AP3D1: variants seen among roughly 807,000 people sequenced by gnomAD.
AP3D1 encodes the protein AP-3 complex subunit delta-1.
In AP3D1, 51 loss-of-function variants were observed where a neutral mutation model predicts 147.6. That is an observed-to-expected ratio of 0.35 (90% CI 0.28 to 0.44). The LOEUF (loss-of-function observed/expected upper bound fraction) is 0.44. Ranked by LOEUF, AP3D1 falls within the 20% of genes least tolerant of loss-of-function variation. The probability of loss-of-function intolerance (pLI) is 1.00; values close to 1 mark genes in which losing one functional copy is unlikely to be tolerated. For missense variants in AP3D1, 1,421 were observed against 1,624.2 expected, an observed-to-expected ratio of 0.87 and a Z score of 2.15; for synonymous variants, 760 against 663.0, an observed-to-expected ratio of 1.15 and a Z score of -2.25.
chr19:2,105,104 G>A (rs2018073373), intron 31 of AP3D1, among the ~76,000 whole-genome samples: 1 of 152,202 alleles, frequency 6.6e-6, no homozygotes, highest in African/African-American at 2.4e-5. Context: ...TCCCTGTGTG[G>A]GCTCAATGGC....
intron 12 of AP3D1, 120 bp from the exon 13 acceptor site, chr19:2,121,431 G>C: frequency 7.5e-7 from 1 of 1,325,874 alleles, no homozygotes. Flanking sequence ...CGGATTCACA[G>C]ATCGATGCCA....
At chr19:2,152,853 G>A (rs1432185407), upstream of AP3D1, among the ~76,000 whole-genome samples, 2 of 151,966 alleles carry the variant, frequency 1.3e-5, no homozygotes, top group South Asian at 4.2e-4. Flanking sequence ...TGTACTCTGG[G>A]CAACAGAGCG....
chr19:2,108,385 G>T (rs1599438982), intron 31 of AP3D1, among the ~76,000 whole-genome samples: 1 of 152,336 alleles, frequency 6.6e-6, no homozygotes, highest in African/African-American at 2.4e-5. Context: ...CGACCCCAGG[G>T]CCTTGGCTGC....
At chr19:2,122,449 G>A (rs566521426) in intron 11 of AP3D1, among the ~76,000 whole-genome samples, 4 of 152,330 alleles carry the variant, frequency 2.6e-5, no homozygotes, top group East Asian at 3.9e-4. Flanking sequence ...GACAGACACC[G>A]TGAGGTCCAC....
chr19:2,160,564 G>C (rs1599508836), intron 1 of AP3D1, among the ~76,000 whole-genome samples: 1 of 152,014 alleles, frequency 6.6e-6, no homozygotes, highest in African/African-American at 2.4e-5. Context: ...GGAGATACAG[G>C]TTGCCACACC....
At chr19:2,124,678 T>C (rs528050101) in intron 9 of AP3D1, among the ~76,000 whole-genome samples, 26 of 152,324 alleles carry the variant, frequency 1.7e-4, no homozygotes, top group African/African-American at 5.8e-4. Flanking sequence ...CGGTGGCTCA[T>C]GCCTGTAATC....
chr19:2,161,510 CT>C (rs1244569750), intron 1 of AP3D1, among the ~76,000 whole-genome samples: 1 of 151,146 alleles, frequency 6.6e-6, no homozygotes, highest in South Asian at 2.1e-4. Context: ...GATAAAAGTT[CT>C]TTTTTTTTCC....
chr19:2,107,259 C>CAA (rs112132801), intron 31 of AP3D1, among the ~76,000 whole-genome samples: 19 of 121,148 alleles, frequency 1.6e-4, no homozygotes, highest in Non-Finnish European at 1.7e-4. Flanking sequence ...GACTCCATCT[C>CAA]AAAAAAAAAA....
intron 15 of AP3D1, among the ~76,000 whole-genome samples, chr19:2,117,835 GCCATTGGA>G (rs2018502104): frequency 6.6e-6 from 1 of 152,244 alleles, no homozygotes; most frequent in African/African-American, 2.4e-5. Flanking sequence ...GGTCTCCTCA[GCCATTGGA>G]CAGGCTGACG....
At chr19:2,113,951 A>G (rs1448974540) in intron 22 of AP3D1, among the ~76,000 whole-genome samples, 174 bp downstream of exon 22, 2 of 151,986 alleles carry the variant, frequency 1.3e-5, no homozygotes, top group African/African-American at 4.8e-5. Context: ...GTGCACAGTC[A>G]GCTCCCCTCA....
At chr19:2,108,571 C>T (rs1178260349) in intron 31 of AP3D1, 116 bp downstream of exon 31, 4 of 904,826 alleles carry the variant, frequency 4.4e-6, no homozygotes, top group South Asian at 1.6e-5. Flanking sequence ...AGCAGTGCTG[C>T]CATCACTGTC....
intron 18 of AP3D1, 31 bp from the exon 19 acceptor site, chr19:2,115,644 G>A: frequency 6.3e-7 from 1 of 1,595,874 alleles, no homozygotes. Flanking sequence ...CGTTACCGGT[G>A]CACCGAGGGG....
intron 1 of AP3D1, among the ~76,000 whole-genome samples, chr19:2,145,980 C>A (rs141330456): frequency 6.6e-6 from 1 of 152,180 alleles, no homozygotes; most frequent in South Asian, 2.1e-4. Context: ...GTGCGGGAGG[C>A]GAGGCTGCGG....
chr19:2,115,586 G>T lies in AP3D1; in HGVS notation c.2101C>A (p.His701Asn). The T allele has an allele frequency of 6.2e-7, 1 of 1,613,094 alleles. No individual in the cohort carries two copies. Among genetic ancestry groups the T allele is most frequent in the Non-Finnish European group, 8.5e-7 (1 of 1,179,788 alleles). Residue 701 changes from histidine (H) to asparagine (N), a missense_variant, in exon 19 of 32, where the codon CAC becomes AAC. This residue lies in a region of AP3D1 where 791 missense variants were observed against 761.4 expected (regional missense o/e 1.04). Transcript: ENST00000643116. ...AGGTCAATCTGCACCACGGGAATGT[G>T]CTCCACGCCCGGGGTGTCCTGGTAC... The part of the protein sequence containing the change: ...KRYQDTPGVE[H>N]IPVVQIDLSV...
chr19:2,118,866 G>A (rs775782480), intron 14 of AP3D1, 34 bp from the exon 15 acceptor site: 1 of 1,585,924 alleles, frequency 6.3e-7, no homozygotes. Context: ...CCCCCAGGAT[G>A]CCAATCCCGG....
chr19:2,105,011 C>T (rs1217420541), intron 31 of AP3D1, among the ~76,000 whole-genome samples: 1 of 152,084 alleles, frequency 6.6e-6, no homozygotes, highest in Non-Finnish European at 1.5e-5. Flanking sequence ...GAAAATGCTC[C>T]AACAGATCAC....
chr19:2,136,825 G>A (rs1256501773), intron 4 of AP3D1, among the ~76,000 whole-genome samples, 186 bp downstream of exon 4: 3 of 152,174 alleles, frequency 2.0e-5, no homozygotes, highest in South Asian at 2.1e-4. Context: ...ACCAGGGAGC[G>A]CAGGCTCAGA....
chr19:2,163,054 TAATTA>T (rs143874292), intron 1 of AP3D1, among the ~76,000 whole-genome samples: 2,566 of 152,220 alleles, frequency 0.017, 31 homozygotes, highest in Non-Finnish European at 0.029. Flanking sequence ...ACTTATAGTT[TAATTA>T]AATTAATTAA....
At chr19:2,120,280 A>G (rs2018573612) in intron 14 of AP3D1, among the ~76,000 whole-genome samples, 1 of 152,170 alleles carries the variant, frequency 6.6e-6, no homozygotes, top group Admixed American at 6.5e-5. Context: ...AGTGGCTGTG[A>G]TCTGTCCTCT....
Sources: gnomAD v4.1 joint callset for allele counts (sites outside exome capture counted in the v4.1 genomes callset) on GRCh38, gnomAD v4.1.1 for gene constraint, gnomAD v4.1.1 regional missense constraint, MANE v1.5 for transcripts, NCBI Gene and HGNC (gene_info 2026-07-23, HGNC 2026-07-21) for gene names.